Variants in AGMO observed in about 807,000 individuals in gnomAD.
AGMO encodes the protein alkylglycerol monooxygenase.
Under a neutral mutation model 60.2 loss-of-function variants are expected in AGMO, and 75 were observed. The observed-to-expected ratio is 1.25, with a 90% confidence interval of 1.03 to 1.51. AGMO has a LOEUF of 1.51. Ranked by LOEUF, AGMO falls within the 40% of genes most tolerant of loss-of-function variation. AGMO has a pLI of 0.00. For synonymous variants in AGMO, 261 were observed against 177.1 expected (o/e 1.47, Z -3.76); for missense variants, 763 against 525.5 (o/e 1.45, Z -4.42).
At chr7:15,127,883 T>C in the AGMO span, among the ~76,000 whole-genome samples, 1 of 152,132 alleles carries the variant, frequency 6.6e-6, no homozygotes, top group African/African-American at 2.4e-5. Context: ...TCTGATTTCA[T>C]GTTTATTTCC....
the AGMO span, among the ~76,000 whole-genome samples, chr7:15,151,437 T>C: frequency 2.0e-5 from 3 of 152,110 alleles, no homozygotes; most frequent in African/African-American, 7.2e-5. Context: ...TTCTAACTTC[T>C]TTCTGTAGGT....
chr7:15,432,333 T>TATATACATATATATACATAC (rs1781269006), intron 3 of AGMO, among the ~76,000 whole-genome samples: 1 of 135,202 alleles, frequency 7.4e-6, no homozygotes, highest in African/African-American at 2.8e-5. Context: ...TATATGTATA[T>TATATACATATATATACATAC]ATATATATAT....
chr7:15,203,041 A>G (rs1330172831), intron 12 of AGMO, among the ~76,000 whole-genome samples: 1 of 152,178 alleles, frequency 6.6e-6, no homozygotes, highest in Non-Finnish European at 1.5e-5. Flanking sequence ...TGTGTTGTGC[A>G]GGGTGCTGGA....
At chr7:15,390,282 G>C (rs973665233) in intron 8 of AGMO, among the ~76,000 whole-genome samples, 1 of 152,138 alleles carries the variant, frequency 6.6e-6, no homozygotes, top group Non-Finnish European at 1.5e-5. Context: ...AAGGCCTCAC[G>C]ATGAATTTCT....
intron 3 of AGMO, among the ~76,000 whole-genome samples, chr7:15,445,351 T>A (rs1312269379): frequency 3.3e-5 from 5 of 152,184 alleles, no homozygotes; most frequent in Non-Finnish European, 7.4e-5. Flanking sequence ...TCTATAATGA[T>A]GAGATAGCTC....
chr7:15,303,286 T>G (rs1459344712), intron 12 of AGMO, among the ~76,000 whole-genome samples: 1 of 152,142 alleles, frequency 6.6e-6, no homozygotes, highest in Non-Finnish European at 1.5e-5. Context: ...AAATTTTAAT[T>G]AAATGTCAGA....
intron 2 of AGMO, among the ~76,000 whole-genome samples, chr7:15,548,314 G>GAGAA (rs1784846989): frequency 1.3e-5 from 2 of 152,068 alleles, no homozygotes; most frequent in Non-Finnish European, 2.9e-5. Context: ...AAGCTGGATG[G>GAGAA]AGAATGACTT....
intron 12 of AGMO, among the ~76,000 whole-genome samples, chr7:15,344,731 C>G (rs976117143): frequency 6.6e-6 from 1 of 152,074 alleles, no homozygotes; most frequent in African/African-American, 2.4e-5. Context: ...CACGTGGATG[C>G]AGATTTTCTT....
intron 3 of AGMO, among the ~76,000 whole-genome samples, chr7:15,535,368 CGG>C (rs763060023): frequency 1.3e-5 from 2 of 151,618 alleles, no homozygotes; most frequent in Non-Finnish European, 3.0e-5. Flanking sequence ...ATAAAAGAAT[CGG>C]AATTCAAGAA....
chr7:15,524,584 C>T (rs994536199), intron 3 of AGMO, among the ~76,000 whole-genome samples: 4 of 151,956 alleles, frequency 2.6e-5, no homozygotes, highest in Non-Finnish European at 4.4e-5. Flanking sequence ...TCTTTGTGGC[C>T]GGGCACACTG....
chr7:15,491,238 G>T (rs944237439), intron 3 of AGMO, among the ~76,000 whole-genome samples: 3 of 152,108 alleles, frequency 2.0e-5, no homozygotes, highest in Non-Finnish European at 2.9e-5. Flanking sequence ...GGGCTTGGTG[G>T]GGGGAGTAAT....
chr7:15,364,516 T>C lies in AGMO; in HGVS notation c.1263+998A>G, dbSNP rs964791201. On this transcript the variant is annotated intron_variant, in intron 12 of 12. Coordinates refer to ENST00000342526, the MANE Select transcript of AGMO (RefSeq NM_001004320.2). Reference sequence around the variant, plus strand: ...AATGAATAATAATTTCAAATAGTCCTCCATTCATGGCCTTTAAGTTGTTGC... The same window carrying C: ...AATGAATAATAATTTCAAATAGTCCCCCATTCATGGCCTTTAAGTTGTTGC... Among the ~76,000 whole-genome samples the C allele has an allele frequency of 5.9e-5, 9 of 152,044 alleles. No homozygotes were observed. The South Asian group carries it at 1.2e-3, about 21-fold the overall frequency.
chr7:15,549,424 C>T (rs1189140051), intron 2 of AGMO, among the ~76,000 whole-genome samples: 1 of 152,104 alleles, frequency 6.6e-6, no homozygotes, highest in Non-Finnish European at 1.5e-5. Flanking sequence ...GGAAACCCAT[C>T]TCATGTGCAG....
intron 3 of AGMO, among the ~76,000 whole-genome samples, chr7:15,456,992 C>A (rs775686211): frequency 6.6e-6 from 1 of 152,018 alleles, no homozygotes; most frequent in East Asian, 1.9e-4. Context: ...GTTCAATTAG[C>A]CATATTTATT....
chr7:15,348,744 C>G (rs1290490453), intron 12 of AGMO, among the ~76,000 whole-genome samples: 1 of 151,950 alleles, frequency 6.6e-6, no homozygotes, highest in African/African-American at 2.4e-5. Flanking sequence ...TAAGCCAGAG[C>G]TAGATGCTCC....
intron 3 of AGMO, among the ~76,000 whole-genome samples, chr7:15,472,755 C>T (rs756652522): frequency 6.6e-5 from 10 of 151,930 alleles, no homozygotes; most frequent in Admixed American, 1.3e-4. Flanking sequence ...GGCAATACCA[C>T]TATTTTTACA....
At chr7:15,548,433 A>T (rs1784850234) in intron 2 of AGMO, among the ~76,000 whole-genome samples, 1 of 151,760 alleles carries the variant, frequency 6.6e-6, no homozygotes, top group Non-Finnish European at 1.5e-5. Context: ...ATTTAGAAGA[A>T]TGTATAACTA....
intron 12 of AGMO, among the ~76,000 whole-genome samples, chr7:15,344,207 T>C (rs1275232888): frequency 6.6e-6 from 1 of 152,168 alleles, no homozygotes; most frequent in Admixed American, 6.5e-5. Context: ...TCAACAATAT[T>C]TGTTGAATGA....
chr7:15,341,634 A>G (rs1781851136), intron 12 of AGMO, among the ~76,000 whole-genome samples: 1 of 152,306 alleles, frequency 6.6e-6, no homozygotes, highest in South Asian at 2.1e-4. Flanking sequence ...GTACTTTTAC[A>G]GCAGCACACC....
Sources: allele counts gnomAD v4.1 joint callset (sites outside exome capture counted in the v4.1 genomes callset), GRCh38; gene constraint gnomAD v4.1.1; transcripts MANE v1.5; gene names NCBI Gene and HGNC (gene_info 2026-07-23, HGNC 2026-07-21).